Variants in EIF3E observed in about 807,000 individuals in gnomAD.
EIF3E encodes eIF-3 p48.
EIF3E carries 25 observed loss-of-function variants against 59.3 expected under a neutral mutation model. The observed-to-expected ratio is 0.42, with a 90% CI of 0.31 to 0.59. EIF3E has a LOEUF of 0.59. Among genes scored for constraint, EIF3E ranks in the 20% least tolerant of loss-of-function variants. The pLI, the probability that EIF3E is intolerant of heterozygous loss-of-function variation, is 0.15. For synonymous variants in EIF3E, 176 were observed against 170.2 expected (o/e 1.03, Z -0.26); for missense variants, 317 against 534.3 (o/e 0.59, Z 4.01).
intron 3 of EIF3E, among the ~76,000 whole-genome samples, chr8:108,239,651 C>G (rs1422768019): frequency 6.6e-6 from 1 of 152,018 alleles, no homozygotes; most frequent in Admixed American, 6.6e-5. Flanking sequence ...TTATGACAAC[C>G]AAAAAGTATT....
intron 6 of EIF3E, 47 bp from the exon 7 acceptor site, chr8:108,228,438 AAG>A (rs1167162224): frequency 7.5e-7 from 1 of 1,340,784 alleles, no homozygotes; most frequent in Non-Finnish European, 9.7e-7. Context: ...ATATATAAGA[AAG>A]AGGCAGGAGG....
At chr8:108,224,803 A>C (rs1301032077) in intron 7 of EIF3E, among the ~76,000 whole-genome samples, 1 of 151,518 alleles carries the variant, frequency 6.6e-6, no homozygotes, top group Admixed American at 6.6e-5. Flanking sequence ...AACTATAAAC[A>C]AACAAATTCT....
At chr8:108,218,782 C>CTTTTTT (rs35642365) in intron 7 of EIF3E, among the ~76,000 whole-genome samples, 11 of 111,124 alleles carry the variant, frequency 9.9e-5, no homozygotes, top group Non-Finnish European at 1.4e-4. Flanking sequence ...TATTTTATTT[C>CTTTTTT]TTTTTTTTTT....
intron 10 of EIF3E, among the ~76,000 whole-genome samples, chr8:108,210,520 A>G (rs144989824): frequency 6.6e-6 from 1 of 152,304 alleles, no homozygotes; most frequent in Non-Finnish European, 1.5e-5. Context: ...ACGGATTACA[A>G]ATTCTTGGAG....
chr8:108,220,772 C>T (rs900986080), intron 7 of EIF3E, among the ~76,000 whole-genome samples: 1 of 152,224 alleles, frequency 6.6e-6, no homozygotes, highest in Non-Finnish European at 1.5e-5. Context: ...AACAAGTTTA[C>T]TTCACTGGAC....
chr8:108,209,023 T>A (rs922859872), intron 10 of EIF3E, among the ~76,000 whole-genome samples: 1 of 152,150 alleles, frequency 6.6e-6, no homozygotes, highest in African/African-American at 2.4e-5. Context: ...TGCATTTTTA[T>A]AAAGCTGACT....
At chr8:108,237,420 T>A (rs1451127075) in intron 3 of EIF3E, among the ~76,000 whole-genome samples, 1 of 152,068 alleles carries the variant, frequency 6.6e-6, no homozygotes, top group East Asian at 1.9e-4. Flanking sequence ...CCCAGCTAAT[T>A]TTTGTATTTT....
chr8:108,232,142 TCAAA>T (rs1164642109), intron 5 of EIF3E, among the ~76,000 whole-genome samples: 2 of 152,130 alleles, frequency 1.3e-5, no homozygotes, highest in Non-Finnish European at 2.9e-5. Context: ...TAACAAAACT[TCAAA>T]CAAATACACA....
rs78228773 is a variant in EIF3E, at chr8:108,247,296, T to C, written c.90+1317A>G. Reference sequence around the variant, plus strand: ...AAAGTTCAGCTAGTTCAGAAGTACTTCTACAAGCAGCTGGTAAAGGCTTTC... The same window carrying C: ...AAAGTTCAGCTAGTTCAGAAGTACTCCTACAAGCAGCTGGTAAAGGCTTTC... On this transcript the variant is annotated intron_variant, in intron 1 of 12. Transcript: ENST00000220849. Among the ~76,000 whole-genome samples, 1,390 of 152,312 alleles carry C rather than the reference T, an allele frequency of 9.1e-3. 7 individuals are homozygous for C. The highest frequency in any genetic ancestry group is 0.015 in the Admixed American group (230 of 15,302).
chr8:108,227,121 T>G (rs1280535485), intron 7 of EIF3E: 1 of 152,124 alleles, frequency 6.6e-6, no homozygotes, highest in Non-Finnish European at 1.5e-5. Context: ...GCTCAGGAGT[T>G]TGAGACCAGC....
At chr8:108,219,439 C>T (rs1815364541) in intron 7 of EIF3E, among the ~76,000 whole-genome samples, 1 of 152,134 alleles carries the variant, frequency 6.6e-6, no homozygotes, top group Admixed American at 6.5e-5. Flanking sequence ...TATAGGTCTG[C>T]TAATGAGACC....
In EIF3E at chr8:108,248,493, AG is replaced by A. The variant is rs1172299543; in HGVS notation, c.90+119del. The A allele has an allele frequency of 3.3e-6, 3 of 920,166 alleles. No individual in the cohort carries two copies. In the African/African-American group the frequency reaches 5.0e-5, roughly 15 times the overall value. The allele number at this position is 920,166 out of a possible 1,614,324, so 57.0% of individuals were successfully genotyped here. A position where few individuals can be genotyped will look rare whatever the true frequency, so the allele number is the denominator to read the frequency against. On this transcript the variant is annotated intron_variant, in intron 1 of 12. Transcript: ENST00000220849. Reference sequence around the variant, plus strand: ...ACCAGAAGATCCTTAGTGTCCGTCCAGGAACCAAACTCGCGACCGCCTCGCA... The same window carrying A: ...ACCAGAAGATCCTTAGTGTCCGTCCAGAACCAAACTCGCGACCGCCTCGCA...
intron 10 of EIF3E, 64 bp from the exon 11 acceptor site, chr8:108,203,567 C>T (rs1312275313): frequency 7.8e-7 from 1 of 1,278,188 alleles, no homozygotes; most frequent in East Asian, 2.3e-5. Context: ...TTTATGTACA[C>T]AGTGTTGACT....
At chr8:108,228,528 G>A in intron 6 of EIF3E, 137 bp from the exon 7 acceptor site, 2 of 571,526 alleles carry the variant, frequency 3.5e-6, no homozygotes, top group Non-Finnish European at 5.3e-6. Context: ...TATGATCAAT[G>A]TCCGACCCCC....
At chr8:108,213,124 C>A (rs1815242316) in intron 10 of EIF3E, among the ~76,000 whole-genome samples, 2 of 152,280 alleles carry the variant, frequency 1.3e-5, no homozygotes, top group Admixed American at 1.3e-4. Context: ...AGCTGCACAT[C>A]TCCCTTCAGT....
chr8:108,204,892 T>G (rs930396617), intron 10 of EIF3E, among the ~76,000 whole-genome samples: 9 of 151,732 alleles, frequency 5.9e-5, no homozygotes, highest in Non-Finnish European at 4.4e-5. Context: ...CAATCTGCAT[T>G]TTGTATTTTT....
intron 2 of EIF3E, among the ~76,000 whole-genome samples, chr8:108,240,510 T>C (rs1458129110): frequency 6.6e-6 from 1 of 152,234 alleles, no homozygotes; most frequent in Non-Finnish European, 1.5e-5. Context: ...CATATTACTA[T>C]TACAGGTTAT....
At chr8:108,223,069 G>A (rs773623638) in intron 7 of EIF3E, among the ~76,000 whole-genome samples, 1 of 152,042 alleles carries the variant, frequency 6.6e-6, no homozygotes, top group Non-Finnish European at 1.5e-5. Context: ...TGTGCTACAA[G>A]AACATGAAAA....
rs1230648404 is a variant in EIF3E, at chr8:108,214,598, T to C, written c.1061+9A>G. ...GTAGAAAATCCAAATCAAATCACGG[T>C]GTTCTTACTTAATGCTGATACACTG... is the stretch of plus-strand genomic sequence containing the variant. On this transcript the variant is annotated intron_variant, in intron 10 of 12. Coordinates refer to ENST00000220849, the MANE Select transcript of EIF3E (RefSeq NM_001568.3). The C allele has an allele frequency of 1.3e-6, 2 of 1,560,456 alleles. No homozygotes were observed. Among genetic ancestry groups the C allele is most frequent in the Non-Finnish European group, 1.7e-6 (2 of 1,155,968 alleles).
Sources: allele counts gnomAD v4.1 joint callset (sites outside exome capture counted in the v4.1 genomes callset), GRCh38; gene constraint gnomAD v4.1.1; transcripts MANE v1.5; gene names NCBI Gene and HGNC (gene_info 2026-07-23, HGNC 2026-07-21).